Variants in ZFAT observed in about 807,000 individuals in gnomAD.
ZFAT encodes the protein zinc finger protein ZFAT.
ZFAT carries 64 observed loss-of-function variants against 117.7 expected under a neutral mutation model. The observed-to-expected ratio is 0.54, with a 90% CI of 0.44 to 0.67. The LOEUF (loss-of-function observed/expected upper bound fraction) is 0.67. Ranked by LOEUF, ZFAT falls within the 30% of genes least tolerant of loss-of-function variation. ZFAT has a pLI of 0.00. For synonymous variants in ZFAT, 679 were observed against 615.0 expected, an observed-to-expected ratio of 1.10 and a Z score of -1.54; for missense variants, 1,433 against 1,584.5, an observed-to-expected ratio of 0.90 and a Z score of 1.62.
chr8:134,559,400 T>C (rs1331099805), intron 11 of ZFAT, among the ~76,000 whole-genome samples: 3 of 152,272 alleles, frequency 2.0e-5, no homozygotes, highest in South Asian at 4.1e-4. Context: ...TATTCTTTCC[T>C]GTAGCCACAA....
the ZFAT span, among the ~76,000 whole-genome samples, chr8:134,830,933 A>C: frequency 6.6e-6 from 1 of 152,172 alleles, no homozygotes; most frequent in South Asian, 2.1e-4. Flanking sequence ...TGACAGTGTA[A>C]AATTAAACAG....
intron 1 of ZFAT, among the ~76,000 whole-genome samples, chr8:134,684,168 C>T (rs779893926): frequency 1.4e-4 from 22 of 152,050 alleles, no homozygotes; most frequent in Non-Finnish European, 2.5e-4. Context: ...ACAGAGGAGA[C>T]GACCCAGCAC....
At chr8:134,744,726 C>CT in the ZFAT span, among the ~76,000 whole-genome samples, 1 of 111,020 alleles carries the variant, frequency 9.0e-6, no homozygotes, top group Non-Finnish European at 1.8e-5. Context: ...GGCCTACTCT[C>CT]CTTTTTTTTT....
the ZFAT span, among the ~76,000 whole-genome samples, chr8:134,825,938 G>A: frequency 6.6e-6 from 1 of 151,394 alleles, no homozygotes; most frequent in African/African-American, 2.4e-5. Context: ...GGAGAATGGC[G>A]TGAACCCGAG....
the ZFAT span, among the ~76,000 whole-genome samples, chr8:134,757,009 C>CTTTTTTTTTTTTTTTTTT: frequency 1.2e-5 from 1 of 81,212 alleles, no homozygotes. Context: ...ACCTTCTTTC[C>CTTTTTTTTTTTTTTTTTT]TTTTTTTTTT....
the ZFAT span, among the ~76,000 whole-genome samples, chr8:134,724,892 A>G: frequency 6.6e-6 from 1 of 152,158 alleles, no homozygotes; most frequent in Non-Finnish European, 1.5e-5. Context: ...AAGTCCAAGC[A>G]GTTCTCACCC....
the ZFAT span, among the ~76,000 whole-genome samples, chr8:134,782,279 T>A: frequency 6.6e-6 from 1 of 152,246 alleles, no homozygotes; most frequent in Non-Finnish European, 1.5e-5. Flanking sequence ...TAAGAGAACT[T>A]GATGTCTCTA....
chr8:134,760,932 G>C, the ZFAT span, among the ~76,000 whole-genome samples: 1 of 152,218 alleles, frequency 6.6e-6, no homozygotes, highest in African/African-American at 2.4e-5. Flanking sequence ...TCCTAAGTAA[G>C]CTGGGAATTG....
At chr8:134,643,054 G>A (rs570186424) in intron 2 of ZFAT, among the ~76,000 whole-genome samples, 1 of 152,324 alleles carries the variant, frequency 6.6e-6, no homozygotes, top group African/African-American at 2.4e-5. Context: ...CGTAAATAAT[G>A]GTGATAACTA....
the ZFAT span, among the ~76,000 whole-genome samples, chr8:134,779,222 G>C: frequency 1.3e-5 from 2 of 152,268 alleles, no homozygotes; most frequent in Admixed American, 1.3e-4. Context: ...GTCTCAACAG[G>C]AGGAGGAGAA....
chr8:134,553,298 T>C (rs895233128), intron 11 of ZFAT, among the ~76,000 whole-genome samples: 1 of 151,900 alleles, frequency 6.6e-6, no homozygotes, highest in Non-Finnish European at 1.5e-5. Flanking sequence ...GAGTTAGGAG[T>C]TCACGACCAG....
chr8:134,508,742 T>G (rs186426297), intron 15 of ZFAT, among the ~76,000 whole-genome samples: 170 of 152,298 alleles, frequency 1.1e-3, no homozygotes, highest in African/African-American at 4.0e-3. Flanking sequence ...CTCTCCTAGA[T>G]CCCAGCAACT....
chr8:134,626,509 A>C (rs1251127413), intron 3 of ZFAT, among the ~76,000 whole-genome samples: 1 of 152,234 alleles, frequency 6.6e-6, no homozygotes, highest in Non-Finnish European at 1.5e-5. Context: ...ACAGCAGCAG[A>C]GGCAGATGGT....
chr8:134,658,901 T>C (rs1386145849), intron 1 of ZFAT, among the ~76,000 whole-genome samples: 2 of 152,188 alleles, frequency 1.3e-5, no homozygotes, highest in African/African-American at 2.4e-5. Flanking sequence ...ACTTTGGGGA[T>C]GGAACTTGCC....
At chr8:134,576,566 G>A (rs1490623871) in intron 10 of ZFAT, among the ~76,000 whole-genome samples, 5 of 152,194 alleles carry the variant, frequency 3.3e-5, no homozygotes, top group African/African-American at 1.2e-4. Flanking sequence ...AATCCAGCTA[G>A]GTGCTCAGGG....
chr8:134,673,007 G>A (rs549202969), intron 1 of ZFAT: 3 of 152,256 alleles, frequency 2.0e-5, no homozygotes, highest in East Asian at 1.9e-4. Flanking sequence ...TCTAAATTAC[G>A]TTTGACGGTT....
At chr8:134,817,899 AG>A in the ZFAT span, among the ~76,000 whole-genome samples, 1 of 152,202 alleles carries the variant, frequency 6.6e-6, no homozygotes, top group Non-Finnish European at 1.5e-5. Context: ...GATTATTCAC[AG>A]GGGGAAAAGG....
At chr8:134,688,950 C>T (rs975581792) in intron 1 of ZFAT, among the ~76,000 whole-genome samples, 1 of 152,146 alleles carries the variant, frequency 6.6e-6, no homozygotes, top group Non-Finnish European at 1.5e-5. Context: ...TCCAGTGAAG[C>T]ACCAAGCACA....
chr8:134,663,642 G>A (rs1162914982), intron 1 of ZFAT, among the ~76,000 whole-genome samples: 1 of 152,150 alleles, frequency 6.6e-6, no homozygotes, highest in Non-Finnish European at 1.5e-5. Context: ...AGAGGCTGAG[G>A]AAGGAGAATT....
Sources: allele counts gnomAD v4.1 joint callset (sites outside exome capture counted in the v4.1 genomes callset), GRCh38; gene constraint gnomAD v4.1.1; transcripts MANE v1.5; gene names NCBI Gene and HGNC (gene_info 2026-07-23, HGNC 2026-07-21).